Variants in DHRS7B observed in about 807,000 individuals in gnomAD.
DHRS7B encodes peroxisomal reductase activating PPAR-gamma.
DHRS7B carries 24 observed loss-of-function variants against 26.4 expected under a neutral mutation model. The observed-to-expected ratio is 0.91, with a 90% CI of 0.66 to 1.28. The LOEUF is 1.28. Ranked by LOEUF, DHRS7B falls within the 50% of genes most tolerant of loss-of-function variation. The pLI is 0.00. For missense variants in DHRS7B, 368 were observed against 419.4 expected, an observed-to-expected ratio of 0.88 and a Z score of 1.07; for synonymous variants, 142 against 166.4, an observed-to-expected ratio of 0.85 and a Z score of 1.13.
In DHRS7B at chr17:21,191,282, C is replaced by A; in HGVS notation, c.*129C>A. On this transcript the variant is annotated 3_prime_UTR_variant, in exon 7 of 7. Transcript: ENST00000395511. ...ACAAGTGGGAAAGACTGAAGAAACA[C>A]ATCTCGTGCAGATCTGCTGGCAGAG... is the stretch of plus-strand genomic sequence containing the variant. 1 of 943,648 alleles carries A rather than the reference C, an allele frequency of 1.1e-6. No individual in the cohort carries two copies. Among genetic ancestry groups the A allele is most frequent in the Non-Finnish European group, 1.6e-6 (1 of 628,204 alleles). 58.5% of individuals were successfully genotyped at this position (943,648 alleles called of 1,614,324 possible).
In DHRS7B at chr17:21,138,053, G is replaced by T. The variant is rs117896872; in HGVS notation, c.20+11062G>T. Among the ~76,000 whole-genome samples, 639 of 126,430 alleles carry T rather than the reference G, an allele frequency of 5.1e-3. 4 individuals carry two copies. The highest frequency in any genetic ancestry group is 8.0e-3 in the Non-Finnish European group (510 of 64,018). 82.9% of individuals were successfully genotyped at this position (126,430 alleles called of 152,430 possible). A position where few individuals can be genotyped will look rare whatever the true frequency, so the allele number is the denominator to read the frequency against. ...CTCCCATAGTTCTGGGATTACAGGTGCCCGGCCTCTTTTAAAAAAAAAATA... is the reference window on the plus strand; with the variant it reads ...CTCCCATAGTTCTGGGATTACAGGTTCCCGGCCTCTTTTAAAAAAAAAATA... On this transcript the variant is annotated intron_variant, in intron 1 of 6. Transcript: ENST00000395511.
intron 1 of DHRS7B, among the ~76,000 whole-genome samples, chr17:21,130,385 C>T (rs8064254): frequency 0.86 from 130,358 of 152,130 alleles, 55,981 homozygotes; most frequent in African/African-American, 0.88. Flanking sequence ...TGAGACTCCA[C>T]CTCAAAAAAT....
chr17:21,140,178 T>C (rs1204252854), intron 1 of DHRS7B, among the ~76,000 whole-genome samples: 1 of 151,778 alleles, frequency 6.6e-6, no homozygotes, highest in Non-Finnish European at 1.5e-5. Flanking sequence ...CGCCCACCAC[T>C]ACACCCAGCT....
At chr17:21,180,613 G>A (rs1366637861) in intron 3 of DHRS7B, among the ~76,000 whole-genome samples, 2 of 151,944 alleles carry the variant, frequency 1.3e-5, no homozygotes, top group Non-Finnish European at 2.9e-5. Context: ...CTATATGTCT[G>A]TCTTATGTCA....
chr17:21,164,021 A>G (rs966216119), intron 1 of DHRS7B, among the ~76,000 whole-genome samples: 2 of 75,006 alleles, frequency 2.7e-5, no homozygotes, highest in Non-Finnish European at 2.6e-5. Flanking sequence ...GATATTGTCA[A>G]TTGTTGTGCT....
chr17:21,165,162 C>T (rs1456825619), intron 1 of DHRS7B, among the ~76,000 whole-genome samples: 1 of 152,032 alleles, frequency 6.6e-6, no homozygotes, highest in African/African-American at 2.4e-5. Context: ...AGCAAGTATG[C>T]AGCATGGTGG....
rs895986083 is a variant in DHRS7B at position 21,184,393 on chromosome 17, G to A, written c.549G>A (p.Lys183=). Residue 183 remains lysine (K), a synonymous_variant, in exon 5 of 7, where the codon AAG becomes AAA. Transcript: ENST00000395511. ...CAGCACTCCTGCCCTCCATGATCAAGAGGAGGCAAGGCCACATTGTCGCCA... is the reference window on the plus strand; with the variant it reads ...CAGCACTCCTGCCCTCCATGATCAAAAGGAGGCAAGGCCACATTGTCGCCA... ...LTKALLPSMI[K]RRQGHIVAIS... The A allele has an allele frequency of 2.5e-6, 4 of 1,614,212 alleles. No homozygotes were observed. Among genetic ancestry groups the A allele is most frequent in the South Asian group, 2.2e-5 (2 of 91,084 alleles).
chr17:21,132,560 A>C (rs950243012), intron 1 of DHRS7B, among the ~76,000 whole-genome samples: 11 of 150,224 alleles, frequency 7.3e-5, no homozygotes, highest in East Asian at 3.9e-4. Flanking sequence ...CAAAAAAAAA[A>C]CAGGGAAGTG....
intron 1 of DHRS7B, among the ~76,000 whole-genome samples, chr17:21,150,404 G>A (rs954989190): frequency 3.9e-5 from 6 of 152,080 alleles, no homozygotes; most frequent in Admixed American, 3.9e-4. Flanking sequence ...ATCACCTGAG[G>A]TCAGGAGTTT....
intron 1 of DHRS7B, among the ~76,000 whole-genome samples, chr17:21,134,331 C>T (rs1597729647): frequency 6.6e-6 from 1 of 152,128 alleles, no homozygotes. Context: ...GGAACTTGTT[C>T]CATAGGAGGA....
At position 21,183,672 on chromosome 17, in the gene DHRS7B, C is replaced by G; in HGVS notation, c.388C>G (p.Leu130Val). 1.9e-6 allele frequency: 3 copies of G among 1,614,202 alleles called. No homozygotes were observed. Among genetic ancestry groups the G allele is most frequent in the Non-Finnish European group, 2.5e-6 (3 of 1,180,042 alleles). The change falls in exon 4 of 7, where the codon CTG (leucine) becomes GTG (valine). Residue 130 changes from leucine to valine, a missense_variant. By Grantham distance (32) the Leu-to-Val change is conservative. Coordinates refer to ENST00000395511, the MANE Select transcript of DHRS7B (RefSeq NM_015510.5). ...GAIVAAAAEI[L>V]QCFGYVDILV... Reference sequence around the variant, plus strand: ...CATAGTTGCAGCAGCAGCTGAGATCCTGCAGTGCTTTGGCTATGTCGACAT... The same window carrying G: ...CATAGTTGCAGCAGCAGCTGAGATCGTGCAGTGCTTTGGCTATGTCGACAT...
intron 1 of DHRS7B, among the ~76,000 whole-genome samples, chr17:21,149,685 T>C (rs772976862): frequency 6.6e-6 from 1 of 152,194 alleles, no homozygotes; most frequent in Non-Finnish European, 1.5e-5. Context: ...TTATTTAAGA[T>C]AAGTTGTCAT....
At chr17:21,159,114 G>A (rs1391534538) in intron 1 of DHRS7B, among the ~76,000 whole-genome samples, 1 of 152,082 alleles carries the variant, frequency 6.6e-6, no homozygotes, top group African/African-American at 2.4e-5. Flanking sequence ...GTGACTTTTG[G>A]GCATGATCCA....
chr17:21,175,804 C>G (rs1000416043), intron 2 of DHRS7B, among the ~76,000 whole-genome samples: 6 of 151,900 alleles, frequency 3.9e-5, no homozygotes. Context: ...TGGCATGTGC[C>G]TGTAGTCCCG....
chr17:21,156,780 G>A (rs1459852344), intron 1 of DHRS7B, among the ~76,000 whole-genome samples: 1 of 145,648 alleles, frequency 6.9e-6, no homozygotes, highest in Admixed American at 6.8e-5. Context: ...GGACGTGGTG[G>A]CATGCACCTG....
rs535543302 is a variant in DHRS7B, at chr17:21,168,721, G to A, written c.21-3297G>A. 1.4e-4 allele frequency: 142 copies of A among 985,432 alleles called. No individual in the cohort carries two copies. In the African/African-American group the frequency reaches 2.1e-3, roughly 15 times the overall value. 61.0% of individuals were successfully genotyped at this position (985,432 alleles called of 1,614,324 possible). On this transcript the variant is annotated intron_variant, in intron 1 of 6. Coordinates refer to ENST00000395511, the MANE Select transcript of DHRS7B (RefSeq NM_015510.5). ...ATTCTGATTCGATAGCACTTTACCA[G>A]ACTGAATGCAGACATGCGCTCTCCC... is the stretch of plus-strand genomic sequence containing the variant.
At chr17:21,155,034 AAC>A (rs1446811975) in intron 1 of DHRS7B, among the ~76,000 whole-genome samples, 1 of 152,218 alleles carries the variant, frequency 6.6e-6, no homozygotes, top group Non-Finnish European at 1.5e-5. Flanking sequence ...ATGCTCAGTT[AAC>A]CACAGTGGGC....
chr17:21,169,371 G>A lies in DHRS7B; in HGVS notation c.21-2647G>A, dbSNP rs188701918. ...CTGATCCAGGAACTTTGAGTTAATG[G>A]TGGTCATTATGATGCTGGTGGCAGC... On this transcript the variant is annotated intron_variant, in intron 1 of 6. Coordinates refer to ENST00000395511, the MANE Select transcript of DHRS7B (RefSeq NM_015510.5). Among the ~76,000 whole-genome samples, 131 of 152,264 alleles carry A rather than the reference G, an allele frequency of 8.6e-4. 1 individual carries two copies. Among genetic ancestry groups the A allele is most frequent in the African/African-American group, 3.1e-3 (128 of 41,546 alleles).
At chr17:21,159,340 C>T (rs770077292) in intron 1 of DHRS7B, among the ~76,000 whole-genome samples, 3 of 151,486 alleles carry the variant, frequency 2.0e-5, no homozygotes, top group African/African-American at 4.8e-5. Flanking sequence ...CTCCGCCTCC[C>T]GGGTTCAAGT....
Sources: gnomAD v4.1 joint callset for allele counts (sites outside exome capture counted in the v4.1 genomes callset) on GRCh38, gnomAD v4.1.1 for gene constraint, MANE v1.5 for transcripts, NCBI Gene and HGNC (gene_info 2026-07-23, HGNC 2026-07-21) for gene names.